Variants in SORCS1 observed in about 807,000 individuals in gnomAD.
SORCS1 encodes the protein sortilin related VPS10 domain containing receptor 1, also known as VPS10 domain-containing receptor SorCS1.
A neutral mutation model predicts 146.1 loss-of-function variants in SORCS1; 60 were observed. The ratio of observed to expected loss-of-function variants is 0.41; its 90% CI spans 0.33 to 0.51. SORCS1 has a LOEUF of 0.51. Among genes scored for constraint, SORCS1 ranks in the 20% least tolerant of loss-of-function variants. The pLI is 0.21. For synonymous variants in SORCS1, 637 were observed against 584.0 expected, an observed-to-expected ratio of 1.09 and a Z score of -1.31; for missense variants, 1,352 against 1,487.6, an observed-to-expected ratio of 0.91 and a Z score of 1.50.
chr10:106,812,711 G>A (rs1947533013), intron 3 of SORCS1, among the ~76,000 whole-genome samples: 1 of 152,126 alleles, frequency 6.6e-6, no homozygotes, highest in Non-Finnish European at 1.5e-5. Context: ...ATGCATGTAT[G>A]TATATTATGT....
chr10:107,058,645 C>T (rs1960879545), intron 1 of SORCS1, among the ~76,000 whole-genome samples: 1 of 152,154 alleles, frequency 6.6e-6, no homozygotes, highest in South Asian at 2.1e-4. Flanking sequence ...CACTTTTATG[C>T]TTCAGTTTCC....
intron 6 of SORCS1, among the ~76,000 whole-genome samples, chr10:106,725,164 T>C (rs367632644): frequency 1.5e-3 from 229 of 151,686 alleles, no homozygotes; most frequent in African/African-American, 5.1e-3. Context: ...CAAAACAAAA[T>C]AAAAACATTA....
chr10:106,652,692 G>T, intron 17 of SORCS1, 139 bp from the exon 18 acceptor site: 1 of 836,528 alleles, frequency 1.2e-6, no homozygotes, highest in East Asian at 2.6e-5. Context: ...ATGAGGAGTA[G>T]GGTTAATTCA....
chr10:106,654,454 G>A (rs532841651), intron 17 of SORCS1, among the ~76,000 whole-genome samples: 222 of 152,190 alleles, frequency 1.5e-3, no homozygotes, highest in Non-Finnish European at 2.3e-3. Context: ...ACCCTTAAAA[G>A]AATCCTTACG....
chr10:106,631,206 C>T (rs1848421265), intron 18 of SORCS1, among the ~76,000 whole-genome samples: 1 of 152,164 alleles, frequency 6.6e-6, no homozygotes, highest in Non-Finnish European at 1.5e-5. Context: ...GTGTGTGGGG[C>T]TCACAGCAGC....
At chr10:106,594,107 C>T (rs910254683) in intron 24 of SORCS1, among the ~76,000 whole-genome samples, 3 of 152,230 alleles carry the variant, frequency 2.0e-5, no homozygotes, top group Admixed American at 2.0e-4. Flanking sequence ...GATGCCTTTG[C>T]TGTATTCAGT....
At chr10:106,651,275 A>T (rs1478668327) in intron 18 of SORCS1, among the ~76,000 whole-genome samples, 1 of 152,160 alleles carries the variant, frequency 6.6e-6, no homozygotes, top group African/African-American at 2.4e-5. Context: ...AGCAATCATA[A>T]TTGCTTCATC....
At chr10:106,622,170 G>T (rs1432966706) in intron 19 of SORCS1, among the ~76,000 whole-genome samples, 2 of 151,244 alleles carry the variant, frequency 1.3e-5, no homozygotes, top group African/African-American at 4.9e-5. Context: ...TGCACCTGTA[G>T]TCCCAGCTAC....
At chr10:107,032,541 C>T (rs1958708364) in intron 1 of SORCS1, among the ~76,000 whole-genome samples, 1 of 152,118 alleles carries the variant, frequency 6.6e-6, no homozygotes, top group Admixed American at 6.5e-5. Context: ...CCTCTAGTTT[C>T]CTGGAGTGGG....
chr10:107,094,503 G>C lies in SORCS1; in HGVS notation c.558+69466C>G, dbSNP rs372011018. On this transcript the variant is annotated intron_variant, in intron 1 of 25. Coordinates refer to ENST00000263054, the MANE Select transcript of SORCS1 (RefSeq NM_052918.5). ...GTGAGGTATATAATTGCAAAAAAGG[G>C]GGAATGACAGATATAAACTATAGAA... Among the ~76,000 whole-genome samples the C allele has an allele frequency of 1.6e-3, 242 of 152,224 alleles. 2 individuals carry two copies. Among genetic ancestry groups the C allele is most frequent in the African/African-American group, 5.5e-3 (227 of 41,544 alleles).
chr10:106,710,502 C>T (rs1854901843), intron 6 of SORCS1, among the ~76,000 whole-genome samples: 1 of 149,974 alleles, frequency 6.7e-6, no homozygotes, highest in Non-Finnish European at 1.5e-5. Flanking sequence ...TTTTACTTTA[C>T]AATTGAATCA....
At chr10:106,959,747 A>G (rs1167322586) in intron 1 of SORCS1, among the ~76,000 whole-genome samples, 1 of 152,226 alleles carries the variant, frequency 6.6e-6, no homozygotes, top group Non-Finnish European at 1.5e-5. Flanking sequence ...TCTGGGCTCA[A>G]GGGATCCTCC....
intron 2 of SORCS1, among the ~76,000 whole-genome samples, chr10:106,896,153 G>T (rs946356344): frequency 1.3e-5 from 2 of 152,162 alleles, no homozygotes; most frequent in Admixed American, 1.3e-4. Flanking sequence ...TAGAGGCCGG[G>T]TGCAGTGGCT....
intron 1 of SORCS1, among the ~76,000 whole-genome samples, chr10:106,983,018 G>A (rs1414624990): frequency 6.6e-6 from 1 of 150,876 alleles, no homozygotes; most frequent in Non-Finnish European, 1.5e-5. Context: ...TACCAAAGGT[G>A]CTTAAAAAAA....
At chr10:107,082,145 ACT>A (rs1963376933) in intron 1 of SORCS1, among the ~76,000 whole-genome samples, 1 of 87,826 alleles carries the variant, frequency 1.1e-5, no homozygotes, top group Non-Finnish European at 2.9e-5. Flanking sequence ...TCACACCTGC[ACT>A]TTCGGAAACT....
chr10:106,917,541 C>T (rs1952505107), intron 2 of SORCS1, among the ~76,000 whole-genome samples: 1 of 152,208 alleles, frequency 6.6e-6, no homozygotes, highest in South Asian at 2.1e-4. Context: ...GGACAGATGA[C>T]TCTTTTTCAT....
intron 2 of SORCS1, among the ~76,000 whole-genome samples, chr10:106,914,753 T>C (rs1889960): frequency 6.6e-6 from 1 of 152,196 alleles, no homozygotes; most frequent in African/African-American, 2.4e-5. Context: ...TCAGGACTTA[T>C]ACGAATGACT....
intron 25 of SORCS1, chr10:106,578,895 A>G: frequency 7.1e-7 from 1 of 1,413,906 alleles, no homozygotes; most frequent in Non-Finnish European, 9.2e-7. Flanking sequence ...AGAGAAAAAA[A>G]CTAGATAGAA....
chr10:106,723,395 G>GCACACACACACA (rs34071599), intron 6 of SORCS1, among the ~76,000 whole-genome samples: 2 of 149,174 alleles, frequency 1.3e-5, no homozygotes, highest in African/African-American at 4.9e-5. Flanking sequence ...CTCCTACGAT[G>GCACACACACACA]CACACACACA....
Sources: gnomAD v4.1 joint callset for allele counts (sites outside exome capture counted in the v4.1 genomes callset) on GRCh38, gnomAD v4.1.1 for gene constraint, MANE v1.5 for transcripts, NCBI Gene and HGNC (gene_info 2026-07-23, HGNC 2026-07-21) for gene names.